Variants in MAP7 observed in about 807,000 individuals in gnomAD.
The protein encoded by MAP7 is ensconsin.
A neutral mutation model predicts 94.8 loss-of-function variants in MAP7; 52 were observed. The ratio of observed to expected loss-of-function variants is 0.55; its 90% confidence interval spans 0.44 to 0.69. The LOEUF (loss-of-function observed/expected upper bound fraction) is 0.69. Ranked by LOEUF, MAP7 falls within the 30% of genes least tolerant of loss-of-function variation. The pLI is 0.00. For missense variants in MAP7, 940 were observed against 964.6 expected (o/e 0.97, Z 0.34); for synonymous variants, 350 against 357.0 (o/e 0.98, Z 0.22).
At chr6:136,393,420 C>T (rs939055341) in intron 3 of MAP7, among the ~76,000 whole-genome samples, 1 of 152,110 alleles carries the variant, frequency 6.6e-6, no homozygotes, top group Admixed American at 6.6e-5. Context: ...TCCAGAGCTC[C>T]ACCTCTCGTA....
intron 1 of MAP7, among the ~76,000 whole-genome samples, chr6:136,464,149 G>C (rs1806153637): frequency 6.6e-6 from 1 of 152,160 alleles, no homozygotes; most frequent in South Asian, 2.1e-4. Context: ...CTTTCATGAA[G>C]GAAGTAAACT....
Position 136,362,586 on chromosome 6 carries a change from T to C in MAP7, c.1390A>G (p.Ser464Gly), listed in dbSNP as rs1414095223. 1.2e-6 allele frequency: 2 copies of C among 1,613,904 alleles called. No individual in the cohort carries two copies. Among genetic ancestry groups the C allele is most frequent in the Non-Finnish European group, 8.5e-7 (1 of 1,180,014 alleles). The change falls in exon 11 of 18, where the codon AGT becomes GGT. Residue 464 changes from serine to glycine, a missense_variant. Ser to Gly is a moderately conservative substitution (Grantham distance 56, BLOSUM62 0). Coordinates refer to ENST00000354570, the MANE Select transcript of MAP7 (RefSeq NM_003980.6). Reference sequence around the variant, plus strand: ...CCTGCAGAAGTCTTAACAGAAGCACTGGCATTCACAGTGGATGACGGGGCT... The same window carrying C: ...CCTGCAGAAGTCTTAACAGAAGCACCGGCATTCACAGTGGATGACGGGGCT... ...VSAPSSTVNA[S>G]ASVKTSAGTT... is the part of the protein sequence containing the mutation.
In MAP7 at chr6:136,513,962, T is replaced by A. The variant is rs113079176; in HGVS notation, c.67+36380A>T. ...CTGGACTCTCTCACCTGTACGTAAG[T>A]CCCCAGTAAAACCCATGTCTCATTC... On this transcript the variant is annotated intron_variant, in intron 1 of 17. Coordinates refer to ENST00000354570, the MANE Select transcript of MAP7 (RefSeq NM_003980.6). Among the ~76,000 whole-genome samples the A allele has an allele frequency of 3.6e-4, 55 of 152,224 alleles. 1 individual carries two copies. Among genetic ancestry groups the A allele is most frequent in the African/African-American group, 1.3e-3 (52 of 41,538 alleles).
intron 1 of MAP7, among the ~76,000 whole-genome samples, chr6:136,486,659 G>A (rs1814856090): frequency 6.6e-6 from 1 of 152,144 alleles, no homozygotes; most frequent in Non-Finnish European, 1.5e-5. Flanking sequence ...CTTTGAGGCT[G>A]TGGTTATGCC....
intron 2 of MAP7, among the ~76,000 whole-genome samples, chr6:136,415,098 C>A (rs1233657450): frequency 2.0e-5 from 3 of 152,038 alleles, no homozygotes; most frequent in Non-Finnish European, 4.4e-5. Context: ...AGCCACCATG[C>A]CCGATCTCGG....
At chr6:136,505,183 C>T (rs1228650856) in intron 1 of MAP7, among the ~76,000 whole-genome samples, 1 of 147,438 alleles carries the variant, frequency 6.8e-6, no homozygotes, top group Non-Finnish European at 1.5e-5. Context: ...GCTGAGTTCG[C>T]AAGCCATAAA....
At chr6:136,506,291 T>G (rs1017919782) in intron 1 of MAP7, among the ~76,000 whole-genome samples, 1 of 152,070 alleles carries the variant, frequency 6.6e-6, no homozygotes, top group Non-Finnish European at 1.5e-5. Flanking sequence ...AAGACATGCA[T>G]AATCATTACT....
chr6:136,437,453 A>C (rs1796675453), intron 1 of MAP7, among the ~76,000 whole-genome samples: 1 of 152,188 alleles, frequency 6.6e-6, no homozygotes, highest in South Asian at 2.1e-4. Flanking sequence ...GGTACAGCTA[A>C]CACCGGTTCC....
intron 1 of MAP7, among the ~76,000 whole-genome samples, chr6:136,456,765 G>GA (rs1213121546): frequency 0.044 from 2,219 of 50,878 alleles, 122 homozygotes; most frequent in African/African-American, 0.13. Context: ...GGAGGAGGAG[G>GA]AGGAAGAAGA....
intron 1 of MAP7, among the ~76,000 whole-genome samples, chr6:136,548,897 G>A (rs1482584807): frequency 6.6e-6 from 1 of 152,160 alleles, no homozygotes; most frequent in African/African-American, 2.4e-5. Context: ...GGGGAGCCCC[G>A]TCCCAGCGTC....
chr6:136,505,277 G>GTGTGTATA (rs1465266004), intron 1 of MAP7, among the ~76,000 whole-genome samples: 4 of 53,830 alleles, frequency 7.4e-5, no homozygotes, highest in African/African-American at 3.2e-4. Context: ...GTGTGTGTGT[G>GTGTGTATA]TATATATATA....
At chr6:136,442,771 T>C (rs1409629066) in intron 1 of MAP7, among the ~76,000 whole-genome samples, 1 of 152,222 alleles carries the variant, frequency 6.6e-6, no homozygotes, top group African/African-American at 2.4e-5. Flanking sequence ...AGAGGTGTTG[T>C]TGATGGGCTT....
intron 1 of MAP7, among the ~76,000 whole-genome samples, chr6:136,511,121 T>C (rs1823147893): frequency 6.6e-6 from 1 of 152,174 alleles, no homozygotes; most frequent in South Asian, 2.1e-4. Context: ...TGAAATTACT[T>C]AGATTGTGAG....
chr6:136,346,846 G>A (rs188371509), intron 16 of MAP7, among the ~76,000 whole-genome samples: 10 of 152,260 alleles, frequency 6.6e-5, no homozygotes, highest in Admixed American at 4.6e-4. Flanking sequence ...CTAAATGCAC[G>A]ATCTCTTAAT....
At chr6:136,411,564 CG>C in intron 3 of MAP7, 55 bp downstream of exon 3, 1 of 1,428,938 alleles carries the variant, frequency 7.0e-7, no homozygotes, top group Non-Finnish European at 9.5e-7. Flanking sequence ...CAAAAGACCA[CG>C]GTATTATAGT....
chr6:136,367,622 T>C (rs982620918), intron 8 of MAP7, among the ~76,000 whole-genome samples: 5 of 152,214 alleles, frequency 3.3e-5, no homozygotes, highest in African/African-American at 1.2e-4. Context: ...CTGGGATTTC[T>C]AAACAGAAAA....
At chr6:136,417,639 A>G (rs989229234) in intron 2 of MAP7, among the ~76,000 whole-genome samples, 1 of 152,192 alleles carries the variant, frequency 6.6e-6, no homozygotes, top group South Asian at 2.1e-4. Context: ...TCTTTTTCAA[A>G]TGAAAAAACT....
At chr6:136,540,361 A>C (rs1829203683) in intron 1 of MAP7, among the ~76,000 whole-genome samples, 1 of 152,086 alleles carries the variant, frequency 6.6e-6, no homozygotes, top group South Asian at 2.1e-4. Context: ...TTTAATATCT[A>C]CCCCAATTTA....
chr6:136,461,345 T>C (rs1190936745), intron 1 of MAP7, among the ~76,000 whole-genome samples: 2 of 152,162 alleles, frequency 1.3e-5, no homozygotes, highest in Non-Finnish European at 2.9e-5. Context: ...AAATTGTGTA[T>C]TTCACTTATG....
Sources: gnomAD v4.1 joint callset for allele counts (sites outside exome capture counted in the v4.1 genomes callset) on GRCh38, gnomAD v4.1.1 for gene constraint, MANE v1.5 for transcripts, NCBI Gene and HGNC (gene_info 2026-07-23, HGNC 2026-07-21) for gene names.